The following DENND5B variants were observed in gnomAD, a reference collection of about 807,000 sequenced individuals.
DENND5B encodes the protein DENN domain-containing protein 5B.
Under a neutral mutation model 140.6 loss-of-function variants are expected in DENND5B, and 34 were observed. That is an observed-to-expected ratio of 0.24 (90% CI 0.18 to 0.32). The LOEUF is 0.32. Ranked by LOEUF, DENND5B falls within the 10% of genes least tolerant of loss-of-function variation. The probability of loss-of-function intolerance (pLI) is 1.00; values close to 1 mark genes in which losing one functional copy is unlikely to be tolerated. For missense variants in DENND5B, 1,142 were observed against 1,560.2 expected (o/e 0.73, Z 4.52); for synonymous variants, 551 against 562.1 (o/e 0.98, Z 0.28).
intron 1 of DENND5B, among the ~76,000 whole-genome samples, chr12:31,526,213 C>T (rs1364686518): frequency 6.6e-6 from 1 of 152,038 alleles, no homozygotes; most frequent in Non-Finnish European, 1.5e-5. Flanking sequence ...AGGAGGAATT[C>T]GATACAGTTC....
intron 2 of DENND5B, among the ~76,000 whole-genome samples, chr12:31,492,064 C>T (rs888683340): frequency 3.3e-5 from 5 of 152,172 alleles, no homozygotes; most frequent in Admixed American, 6.5e-5. Context: ...ATGCAAACTA[C>T]TTTAATGGGA....
At chr12:31,432,923 T>C in intron 8 of DENND5B, 4 of 463,404 alleles carry the variant, frequency 8.6e-6, no homozygotes, top group Non-Finnish European at 1.5e-5. Context: ...CTTGATGTAA[T>C]ACACAGAAAG....
At chr12:31,504,794 G>A (rs1265935041) in intron 1 of DENND5B, among the ~76,000 whole-genome samples, 2 of 151,882 alleles carry the variant, frequency 1.3e-5, no homozygotes, top group Non-Finnish European at 1.5e-5. Context: ...TCTGGGTGGG[G>A]GTCAAACGAT....
intron 1 of DENND5B, among the ~76,000 whole-genome samples, chr12:31,563,928 C>T (rs1015832377): frequency 2.0e-5 from 3 of 152,036 alleles, no homozygotes; most frequent in Admixed American, 2.0e-4. Flanking sequence ...ACCAGCCTGG[C>T]CAATGTGGTG....
intron 1 of DENND5B, among the ~76,000 whole-genome samples, chr12:31,553,816 A>T (rs1312727444): frequency 6.6e-6 from 1 of 152,200 alleles, no homozygotes; most frequent in East Asian, 1.9e-4. Flanking sequence ...ACCATTATGT[A>T]ATGGCCTTCT....
At chr12:31,434,376 A>G (rs1243275616) in intron 7 of DENND5B, among the ~76,000 whole-genome samples, 1 of 152,148 alleles carries the variant, frequency 6.6e-6, no homozygotes, top group Non-Finnish European at 1.5e-5. Context: ...CTCTGCTACT[A>G]AACTGCTGGT....
intron 17 of DENND5B, among the ~76,000 whole-genome samples, chr12:31,393,870 A>G (rs1941288170): frequency 6.6e-6 from 1 of 152,018 alleles, no homozygotes; most frequent in African/African-American, 2.4e-5. Context: ...TTGTATTTTT[A>G]GTAGAAATAG....
intron 5 of DENND5B, among the ~76,000 whole-genome samples, chr12:31,451,477 C>T (rs1350763420): frequency 6.6e-6 from 1 of 152,112 alleles, no homozygotes; most frequent in East Asian, 1.9e-4. Context: ...GTGTGCGCCA[C>T]CACGCCCAGC....
At chr12:31,577,020 A>T (rs1950038806) in intron 1 of DENND5B, among the ~76,000 whole-genome samples, 1 of 152,222 alleles carries the variant, frequency 6.6e-6, no homozygotes, top group Non-Finnish European at 1.5e-5. Context: ...CCAAAAGAGC[A>T]ATAAGAGGTG....
intron 1 of DENND5B, among the ~76,000 whole-genome samples, chr12:31,497,592 C>T (rs1169787509): frequency 1.3e-5 from 2 of 150,166 alleles, no homozygotes; most frequent in East Asian, 3.9e-4. Context: ...CTAGATTTTC[C>T]TGTGAACACT....
At chr12:31,529,118 G>A (rs1715290413) in intron 1 of DENND5B, among the ~76,000 whole-genome samples, 2 of 147,916 alleles carry the variant, frequency 1.4e-5, no homozygotes, top group South Asian at 2.1e-4. Flanking sequence ...AGCCAAGATA[G>A]CGCCACTAAA....
intron 13 of DENND5B, among the ~76,000 whole-genome samples, chr12:31,411,746 T>C (rs867606017): frequency 6.6e-6 from 1 of 152,176 alleles, no homozygotes; most frequent in Admixed American, 6.5e-5. Context: ...AACCTACTGT[T>C]TGGACATTAA....
In DENND5B at chr12:31,591,066, G is replaced by A. The variant is rs977925421; in HGVS notation, c.-234C>T. On this transcript the variant is annotated 5_prime_UTR_variant, in exon 1 of 21. Coordinates refer to ENST00000389082, the MANE Select transcript of DENND5B (RefSeq NM_144973.4). Reference sequence around the variant, plus strand: ...GAGCCCGGCCGGGTGGGGGAGGGGCGCGGGGGGAGTGTCGGCCTGAGAGGC... The same window carrying A: ...GAGCCCGGCCGGGTGGGGGAGGGGCACGGGGGGAGTGTCGGCCTGAGAGGC... The A allele has an allele frequency of 2.1e-4, 41 of 195,364 alleles. No individual in the cohort carries two copies. The highest frequency in any genetic ancestry group is 2.6e-3 in the Middle Eastern group (1 of 392). The allele number at this position is 195,364 out of a possible 1,614,324, so 12.1% of individuals were successfully genotyped here.
At chr12:31,473,119 G>A (rs900657834) in intron 3 of DENND5B, among the ~76,000 whole-genome samples, 4 of 152,068 alleles carry the variant, frequency 2.6e-5, no homozygotes, top group Non-Finnish European at 5.9e-5. Flanking sequence ...TTGTATTTTA[G>A]TAGAGATGGG....
chr12:31,445,009 G>A (rs1320480252), intron 6 of DENND5B, among the ~76,000 whole-genome samples: 1 of 152,182 alleles, frequency 6.6e-6, no homozygotes, highest in African/African-American at 2.4e-5. Context: ...AGTAAAGTGG[G>A]AAAGGCAGGC....
intron 13 of DENND5B, among the ~76,000 whole-genome samples, chr12:31,409,952 T>C (rs997258463): frequency 2.0e-5 from 3 of 152,182 alleles, no homozygotes; most frequent in African/African-American, 7.2e-5. Flanking sequence ...AAGCCTTGAC[T>C]AAAAATAAAT....
chr12:31,584,404 C>T (rs1170170535), intron 1 of DENND5B, among the ~76,000 whole-genome samples: 1 of 152,220 alleles, frequency 6.6e-6, no homozygotes, highest in Non-Finnish European at 1.5e-5. Flanking sequence ...GCCAATTTCA[C>T]TATAAAGAGT....
chr12:31,503,560 A>C (rs1042220321), intron 1 of DENND5B, among the ~76,000 whole-genome samples: 1 of 152,176 alleles, frequency 6.6e-6, no homozygotes, highest in African/African-American at 2.4e-5. Context: ...CTAAACAAAC[A>C]ATTGACACTG....
At chr12:31,502,378 T>C (rs1461713440) in intron 1 of DENND5B, among the ~76,000 whole-genome samples, 1 of 152,178 alleles carries the variant, frequency 6.6e-6, no homozygotes, top group Non-Finnish European at 1.5e-5. Context: ...CTTTTATAAA[T>C]CATGTTTATC....
Sources: gnomAD v4.1 joint callset for allele counts (sites outside exome capture counted in the v4.1 genomes callset) on GRCh38, gnomAD v4.1.1 for gene constraint, MANE v1.5 for transcripts, NCBI Gene and HGNC (gene_info 2026-07-23, HGNC 2026-07-21) for gene names.